Variants in SLC25A37 observed in about 807,000 individuals in gnomAD.
The protein encoded by SLC25A37 is solute carrier family 25 member 37.
Under a neutral mutation model 31.0 loss-of-function variants are expected in SLC25A37, and 17 were observed. The observed-to-expected ratio is 0.55, with a 90% CI of 0.38 to 0.82. The LOEUF (loss-of-function observed/expected upper bound fraction) is 0.82. Ranked by LOEUF, SLC25A37 falls within the 40% of genes least tolerant of loss-of-function variation. The probability of loss-of-function intolerance (pLI) is 0.00; values close to 1 mark genes in which losing one functional copy is unlikely to be tolerated. For missense variants in SLC25A37, 404 were observed against 465.8 expected, an observed-to-expected ratio of 0.87 and a Z score of 1.22; for synonymous variants, 222 against 193.0, an observed-to-expected ratio of 1.15 and a Z score of -1.24.
At chr8:23,553,442 CA>C (rs55996201) in intron 1 of SLC25A37, among the ~76,000 whole-genome samples, 73,118 of 149,962 alleles carry the variant, frequency 0.49, 18,267 homozygotes, top group African/African-American at 0.61. Flanking sequence ...AAACAAAAAA[CA>C]AAAAAAAAAC....
Position 23,573,712 on chromosome 8 carries a change from G to A in SLC25A37, c.*1857G>A, listed in dbSNP as rs946827353. 6.8e-6 allele frequency: 3 copies of A among 439,122 alleles called. No homozygotes were observed. Among genetic ancestry groups the A allele is most frequent in the Non-Finnish European group, 1.4e-5 (3 of 214,166 alleles). The allele number at this position is 439,122 out of a possible 1,614,324, so 27.2% of individuals were successfully genotyped here. ...TTTTTCAGATCAGGGATGGGAAAGA[G>A]CCAAACTGGGTACCTCCCACGTGTG... is the stretch of plus-strand genomic sequence containing the variant. On this transcript the variant is annotated 3_prime_UTR_variant, in exon 4 of 4. Coordinates refer to ENST00000519973, the MANE Select transcript of SLC25A37 (RefSeq NM_016612.4).
At chr8:23,546,553 A>ATAT (rs377556225) in intron 1 of SLC25A37, among the ~76,000 whole-genome samples, 1 of 17,090 alleles carries the variant, frequency 5.9e-5, no homozygotes, top group Non-Finnish European at 1.3e-4. Context: ...ATATATATAT[A>ATAT]GTGTATATAT....
chr8:23,554,937 T>A (rs1802323804), intron 1 of SLC25A37, among the ~76,000 whole-genome samples: 1 of 152,200 alleles, frequency 6.6e-6, no homozygotes, highest in African/African-American at 2.4e-5. Context: ...TGGGTGCGAT[T>A]CATAGCCATG....
intron 1 of SLC25A37, among the ~76,000 whole-genome samples, chr8:23,560,651 C>T (rs1239075323): frequency 4.6e-5 from 7 of 152,226 alleles, no homozygotes; most frequent in Non-Finnish European, 7.3e-5. Context: ...CCCATCTCTG[C>T]GCTTCTGGGC....
chr8:23,563,174 T>C (rs992757784), intron 1 of SLC25A37, among the ~76,000 whole-genome samples: 33 of 152,314 alleles, frequency 2.2e-4, no homozygotes, highest in Admixed American at 1.3e-3. Context: ...TTGCTTATAA[T>C]ATATCCCTTT....
intron 1 of SLC25A37, among the ~76,000 whole-genome samples, chr8:23,557,651 A>T (rs534741965): frequency 7.4e-4 from 113 of 152,252 alleles, no homozygotes; most frequent in Non-Finnish European, 1.2e-3. Flanking sequence ...GCAGGAGCAT[A>T]GAGCTCTGGA....
At chr8:23,560,847 T>C (rs542898154) in intron 1 of SLC25A37, among the ~76,000 whole-genome samples, 2 of 152,212 alleles carry the variant, frequency 1.3e-5, no homozygotes, top group Non-Finnish European at 2.9e-5. Context: ...ATCTGTGTTC[T>C]GTGCTTTTTC....
chr8:23,573,937 T>G lies in SLC25A37; in HGVS notation c.*2082T>G, dbSNP rs1012615828. On this transcript the variant is annotated 3_prime_UTR_variant, in exon 4 of 4. Coordinates refer to ENST00000519973, the MANE Select transcript of SLC25A37 (RefSeq NM_016612.4). ...ATCTCCGCTCTCAACCTGCCTTGGG[T>G]TCGTGTTAAATGGTGTTAAATTCTG... 9.1e-6 allele frequency: 4 copies of G among 437,640 alleles called. No individual in the cohort carries two copies. The highest frequency in any genetic ancestry group is 7.2e-5 in the Admixed American group (3 of 41,940). 27.1% of individuals were successfully genotyped at this position (437,640 alleles called of 1,614,324 possible).
rs79866141 is a variant in SLC25A37 at position 23,552,677 on chromosome 8, T to C, written c.211-13431T>C. On this transcript the variant is annotated intron_variant, in intron 1 of 3. Coordinates refer to ENST00000519973, the MANE Select transcript of SLC25A37 (RefSeq NM_016612.4). ...TTCCCCAACCAGAACGTACGTTACT[T>C]ATGGGCAGAGACGGTCTTTGAGCAT... Among the ~76,000 whole-genome samples the C allele has an allele frequency of 3.4e-3, 514 of 152,262 alleles. 4 individuals carry two copies. Among genetic ancestry groups the C allele is most frequent in the African/African-American group, 0.012 (491 of 41,552 alleles).
At position 23,528,992 on chromosome 8, in the gene SLC25A37, C is replaced by T. The variant is rs1563247677; in HGVS notation, c.-11C>T. On this transcript the variant is annotated 5_prime_UTR_variant, in exon 1 of 4. Transcript: ENST00000519973. Reference sequence around the variant, plus strand: ...CCTCCTGCAGCCTCCTGCGCCCCGCCGAGCTGGCGGATGGAGCTGCGCAGC... The same window carrying T: ...CCTCCTGCAGCCTCCTGCGCCCCGCTGAGCTGGCGGATGGAGCTGCGCAGC... 6.7e-7 allele frequency: 1 copy of T among 1,487,760 alleles called. No individual in the cohort carries two copies. The highest frequency in any genetic ancestry group is 9.0e-7 in the Non-Finnish European group (1 of 1,116,666). The allele number at this position is 1,487,760 out of a possible 1,614,324, so 92.2% of individuals were successfully genotyped here. A position where few individuals can be genotyped will look rare whatever the true frequency, so the allele number is the denominator to read the frequency against.
At chr8:23,563,599 A>C (rs909477012) in intron 1 of SLC25A37, among the ~76,000 whole-genome samples, 2 of 152,208 alleles carry the variant, frequency 1.3e-5, no homozygotes, top group African/African-American at 4.8e-5. Flanking sequence ...CCTGGGGCCC[A>C]GGTGTCTTGG....
intron 1 of SLC25A37, among the ~76,000 whole-genome samples, chr8:23,533,736 T>C (rs1801707561): frequency 6.6e-6 from 1 of 152,182 alleles, no homozygotes; most frequent in South Asian, 2.1e-4. Flanking sequence ...TCAAAGAATT[T>C]GTGTTTTTGT....
At chr8:23,537,099 G>A (rs1316021902) in intron 1 of SLC25A37, among the ~76,000 whole-genome samples, 3 of 151,828 alleles carry the variant, frequency 2.0e-5, no homozygotes, top group Non-Finnish European at 2.9e-5. Flanking sequence ...GGGAGGCTGA[G>A]GTGGGGGAAT....
At chr8:23,544,379 A>G (rs968492748) in intron 1 of SLC25A37, among the ~76,000 whole-genome samples, 14 of 152,296 alleles carry the variant, frequency 9.2e-5, no homozygotes, top group African/African-American at 2.9e-4. Context: ...AACAATGCAT[A>G]TCTCAGAACA....
rs768508504 is a variant in SLC25A37 at position 23,571,295 on chromosome 8, C to T, written c.497-40C>T. The T allele has an allele frequency of 6.0e-6, 9 of 1,494,640 alleles. No individual in the cohort carries two copies. In the East Asian group the frequency reaches 1.7e-4, roughly 28 times the overall value. The allele number at this position is 1,494,640 out of a possible 1,614,324, so 92.6% of individuals were successfully genotyped here. The stretch of plus-strand genomic sequence containing the variant: ...GGGGCCACATCCAACCCACTGCCCA[C>T]TGGCTGTCCGTCTGGCCTGCCCCGC... On this transcript the variant is annotated intron_variant, in intron 3 of 3. Coordinates refer to ENST00000519973, the MANE Select transcript of SLC25A37 (RefSeq NM_016612.4).
Position 23,571,983 on chromosome 8 carries a change from C to T in SLC25A37, c.*128C>T. The T allele has an allele frequency of 9.4e-7, 1 of 1,066,922 alleles. No individual in the cohort carries two copies. The highest frequency in any genetic ancestry group is 2.6e-5 in the East Asian group (1 of 38,938). The allele number at this position is 1,066,922 out of a possible 1,614,324, so 66.1% of individuals were successfully genotyped here. ...CTATGGGCCCTCTGCTCCCCAATGCCTTAGAGAGAGGAGGGGACGGCACGG... is the reference window on the plus strand; with the variant it reads ...CTATGGGCCCTCTGCTCCCCAATGCTTTAGAGAGAGGAGGGGACGGCACGG... On this transcript the variant is annotated 3_prime_UTR_variant, in exon 4 of 4. Coordinates refer to ENST00000519973, the MANE Select transcript of SLC25A37 (RefSeq NM_016612.4).
intron 1 of SLC25A37, among the ~76,000 whole-genome samples, chr8:23,539,967 A>G (rs753495151): frequency 1.4e-3 from 207 of 152,388 alleles, no homozygotes; most frequent in Non-Finnish European, 2.3e-3. Context: ...TGATACACCT[A>G]GAATGTTAAG....
rs1368954682 is a variant in SLC25A37 at position 23,546,528 on chromosome 8, G to A, written c.210+17316G>A. On this transcript the variant is annotated intron_variant, in intron 1 of 3. Transcript: ENST00000519973. ...ATATATATAGGTATATATATATATAGGTGTATATATATATATATATATATA... is the reference window on the plus strand; with the variant it reads ...ATATATATAGGTATATATATATATAAGTGTATATATATATATATATATATA... Among the ~76,000 whole-genome samples the A allele has an allele frequency of 1.3e-4, 10 of 78,506 alleles. No homozygotes were observed. In the Admixed American group the frequency reaches 1.5e-3, roughly 11 times the overall value. 51.5% of individuals were successfully genotyped at this position (78,506 alleles called of 152,430 possible). A position where few individuals can be genotyped will look rare whatever the true frequency, so the allele number is the denominator to read the frequency against.
intron 1 of SLC25A37, among the ~76,000 whole-genome samples, chr8:23,540,308 A>G (rs1317305029): frequency 1.3e-5 from 2 of 152,180 alleles, no homozygotes; most frequent in African/African-American, 4.8e-5. Context: ...TTGGATGCAG[A>G]CTCAGATGTT....
Sources: gnomAD v4.1 joint callset for allele counts (sites outside exome capture counted in the v4.1 genomes callset) on GRCh38, gnomAD v4.1.1 for gene constraint, MANE v1.5 for transcripts, NCBI Gene and HGNC (gene_info 2026-07-23, HGNC 2026-07-21) for gene names.